The following NEK11 variants were observed in gnomAD, a reference collection of about 807,000 sequenced individuals.
NEK11 encodes the protein serine/threonine-protein kinase Nek11.
NEK11 carries 72 observed loss-of-function variants against 80.7 expected under a neutral mutation model. The observed-to-expected ratio is 0.89, with a 90% CI of 0.74 to 1.08. The LOEUF (loss-of-function observed/expected upper bound fraction) is 1.08. Among genes scored for constraint, NEK11 ranks in the 50% least tolerant of loss-of-function variants. The probability of loss-of-function intolerance (pLI) is 0.00; values close to 1 mark genes in which losing one functional copy is unlikely to be tolerated. For synonymous variants in NEK11, 251 were observed against 260.7 expected (o/e 0.96, Z 0.36); for missense variants, 764 against 763.6 (o/e 1.00, Z -0.01).
chr3:131,270,112 C>T (rs1330089560), intron 16 of NEK11, among the ~76,000 whole-genome samples: 1 of 152,220 alleles, frequency 6.6e-6, no homozygotes, highest in African/African-American at 2.4e-5. Context: ...AGTGTCTACA[C>T]TCCCCTGCAG....
At chr3:131,170,957 A>G (rs780092924) in intron 14 of NEK11, 70 bp downstream of exon 14, 2 of 1,093,468 alleles carry the variant, frequency 1.8e-6, no homozygotes, top group Admixed American at 1.7e-5. Context: ...CCGACTTTGC[A>G]GTGGGTCTGT....
chr3:131,113,831 A>C (rs1465209315), intron 5 of NEK11, among the ~76,000 whole-genome samples: 3 of 151,080 alleles, frequency 2.0e-5, no homozygotes, highest in African/African-American at 7.3e-5. Flanking sequence ...GAATGGCTTG[A>C]ACCTGGGAGG....
chr3:131,115,928 TTCTTTC>T (rs1258460904), intron 5 of NEK11, among the ~76,000 whole-genome samples: 54 of 110,054 alleles, frequency 4.9e-4, no homozygotes, highest in Admixed American at 1.7e-3. Flanking sequence ...CTTTCTTTCT[TTCTTTC>T]TTTCTTTCTT....
At chr3:131,120,754 G>A (rs903858113) in intron 5 of NEK11, among the ~76,000 whole-genome samples, 4 of 151,636 alleles carry the variant, frequency 2.6e-5, no homozygotes, top group Non-Finnish European at 4.4e-5. Flanking sequence ...GTACCCTTTC[G>A]TCCACTTGAT....
intron 14 of NEK11, among the ~76,000 whole-genome samples, chr3:131,199,242 C>T (rs1162173483): frequency 6.6e-6 from 1 of 152,002 alleles, no homozygotes; most frequent in Non-Finnish European, 1.5e-5. Flanking sequence ...GTTCTACCTA[C>T]CCCTTTAAAT....
At chr3:131,090,404 A>G (rs1170904954) in intron 4 of NEK11, among the ~76,000 whole-genome samples, 3 of 152,232 alleles carry the variant, frequency 2.0e-5, no homozygotes, top group African/African-American at 4.8e-5. Context: ...TGATAGCTGT[A>G]TAGACTTAGG....
At chr3:131,113,038 T>C (rs2149373146) in intron 5 of NEK11, among the ~76,000 whole-genome samples, 1 of 152,238 alleles carries the variant, frequency 6.6e-6, no homozygotes, top group Non-Finnish European at 1.5e-5. Flanking sequence ...ATAATATCCA[T>C]GCATGAGATT....
At chr3:131,344,617 T>C (rs1214555699) in intron 17 of NEK11, among the ~76,000 whole-genome samples, 1 of 152,170 alleles carries the variant, frequency 6.6e-6, no homozygotes, top group Non-Finnish European at 1.5e-5. Context: ...CTGGGTAATT[T>C]ATAAAGAAAG....
rs548362039 is a variant in NEK11 at position 131,080,300 on chromosome 3, G to A, written c.171-123G>A. On this transcript the variant is annotated intron_variant, in intron 3 of 17. Transcript: ENST00000383366. The stretch of plus-strand genomic sequence containing the variant: ...ACCAGGAGACACAGTGTCATAATAG[G>A]CAATACCAGATATATGAGTAGGTCA... The A allele has an allele frequency of 3.6e-4, 250 of 692,112 alleles. No individual in the cohort carries two copies. The African/African-American group carries it at 3.9e-3, about 11-fold the overall frequency. 42.9% of individuals were successfully genotyped at this position (692,112 alleles called of 1,614,324 possible).
intron 5 of NEK11, among the ~76,000 whole-genome samples, chr3:131,131,804 T>C (rs569355106): frequency 1.3e-5 from 2 of 152,190 alleles, no homozygotes; most frequent in South Asian, 4.1e-4. Flanking sequence ...TAACTGATTT[T>C]AGATCTTTCT....
intron 17 of NEK11, among the ~76,000 whole-genome samples, chr3:131,321,805 G>A (rs1199246242): frequency 2.0e-5 from 3 of 152,102 alleles, no homozygotes; most frequent in Non-Finnish European, 4.4e-5. Context: ...TCTCACATCA[G>A]TCAGAATGGC....
chr3:131,156,678 A>T (rs1247784379), intron 10 of NEK11, among the ~76,000 whole-genome samples: 1 of 152,142 alleles, frequency 6.6e-6, no homozygotes, highest in African/African-American at 2.4e-5. Flanking sequence ...TTCCCAGGTA[A>T]TACTCTGTAT....
intron 3 of NEK11, chr3:131,053,347 G>A (rs963178720): frequency 2.6e-5 from 4 of 152,124 alleles, no homozygotes; most frequent in African/African-American, 9.7e-5. Context: ...ATTAATAAAA[G>A]GCTAAACATA....
chr3:131,261,911 C>G (rs1182450124), intron 16 of NEK11, among the ~76,000 whole-genome samples: 3 of 151,340 alleles, frequency 2.0e-5, no homozygotes, highest in African/African-American at 7.3e-5. Context: ...CAAATTAAAG[C>G]CAAAGCAAAT....
intron 17 of NEK11, among the ~76,000 whole-genome samples, chr3:131,345,826 C>A (rs952824823): frequency 3.9e-5 from 6 of 152,222 alleles, no homozygotes; most frequent in African/African-American, 1.2e-4. Context: ...CATATATATA[C>A]AATGGAATAT....
chr3:131,073,069 T>C (rs2073714231), intron 3 of NEK11, among the ~76,000 whole-genome samples: 2 of 152,112 alleles, frequency 1.3e-5, no homozygotes, highest in African/African-American at 4.8e-5. Flanking sequence ...TCTAGGGAAA[T>C]GCAGGACATG....
At chr3:131,208,604 T>C (rs2094514819) in intron 14 of NEK11, among the ~76,000 whole-genome samples, 1 of 152,218 alleles carries the variant, frequency 6.6e-6, no homozygotes, top group Admixed American at 6.5e-5. Flanking sequence ...GAGCATGGAA[T>C]GTTCTTCCAT....
intron 11 of NEK11, among the ~76,000 whole-genome samples, chr3:131,164,706 A>T (rs1320186588): frequency 6.6e-6 from 1 of 152,114 alleles, no homozygotes; most frequent in Non-Finnish European, 1.5e-5. Flanking sequence ...TTTGGTCTTG[A>T]TTTTGTGAAT....
chr3:131,203,811 A>G (rs1444029072), intron 14 of NEK11, among the ~76,000 whole-genome samples: 1,137 of 65,564 alleles, frequency 0.017, 83 homozygotes, highest in African/African-American at 0.061. Context: ...ATATATATAT[A>G]TATATATATA....
Sources: gnomAD v4.1 joint callset for allele counts (sites outside exome capture counted in the v4.1 genomes callset) on GRCh38, gnomAD v4.1.1 for gene constraint, MANE v1.5 for transcripts, NCBI Gene and HGNC (gene_info 2026-07-23, HGNC 2026-07-21) for gene names.